Variants in ADGRV1 observed in about 807,000 individuals in gnomAD.
ADGRV1 encodes G-protein coupled receptor 98.
ADGRV1 carries 359 observed loss-of-function variants against 596.2 expected under a neutral mutation model. The observed-to-expected ratio is 0.60, with a 90% CI of 0.55 to 0.66. The LOEUF is 0.66. Among genes scored for constraint, ADGRV1 ranks in the 30% least tolerant of loss-of-function variants. The probability of loss-of-function intolerance (pLI) is 0.00; values close to 1 mark genes in which losing one functional copy is unlikely to be tolerated. For missense variants in ADGRV1, 7,274 were observed against 7,575.6 expected (o/e 0.96, Z 1.48); for synonymous variants, 2,681 against 2,679.2 (o/e 1.00, Z -0.02).
At position 90,725,607 on chromosome 5, in the gene ADGRV1, A is replaced by G; in HGVS notation, c.10112A>G (p.Gln3371Arg). The change falls in exon 48 of 90, where the codon CAA becomes CGA. Residue 3371 changes from glutamine to arginine, a missense_variant. Coordinates refer to ENST00000405460, the MANE Select transcript of ADGRV1 (RefSeq NM_032119.4). Reference protein sequence around the residue: ...SQVRYFTSDSQDYLIIASQRD... With the variant: ...SQVRYFTSDSRDYLIIASQRD... ...GTAAGATATTTTACTTCAGACAGCC[A>G]AGATTATTTAATCATTGCAAGTCAA... The G allele has an allele frequency of 6.3e-7, 1 of 1,591,420 alleles. No homozygotes were observed. The highest frequency in any genetic ancestry group is 8.6e-7 in the Non-Finnish European group (1 of 1,160,140).
chr5:91,135,039 G>C (rs570157688), intron 87 of ADGRV1, among the ~76,000 whole-genome samples: 1 of 151,978 alleles, frequency 6.6e-6, no homozygotes, highest in Non-Finnish European at 1.5e-5. Flanking sequence ...AAAATTAGCT[G>C]GGCATTTGGC....
chr5:91,077,867 A>G (rs939375154), intron 86 of ADGRV1, among the ~76,000 whole-genome samples: 1 of 152,242 alleles, frequency 6.6e-6, no homozygotes, highest in East Asian at 1.9e-4. Context: ...TTTTAGGCTC[A>G]TTAGAATTTA....
chr5:90,582,216 A>G (rs1404469503), intron 1 of ADGRV1, among the ~76,000 whole-genome samples: 1 of 151,914 alleles, frequency 6.6e-6, no homozygotes, highest in Non-Finnish European at 1.5e-5. Context: ...TAATTGCTCA[A>G]GTGTTAAGCT....
At chr5:90,779,409 C>G (rs1684562764) in intron 64 of ADGRV1, 3 of 172,808 alleles carry the variant, frequency 1.7e-5, no homozygotes, top group Non-Finnish European at 3.7e-5. Flanking sequence ...CCTAACAGCT[C>G]TCTAAATCAG....
At chr5:90,930,592 AT>A (rs1287306701) in intron 83 of ADGRV1, among the ~76,000 whole-genome samples, 1 of 152,082 alleles carries the variant, frequency 6.6e-6, no homozygotes, top group Non-Finnish European at 1.5e-5. Context: ...AGGACCAAAT[AT>A]TAGTGTTAGC....
chr5:91,120,695 A>G (rs1024696090), intron 87 of ADGRV1, among the ~76,000 whole-genome samples: 18 of 152,142 alleles, frequency 1.2e-4, no homozygotes, highest in African/African-American at 3.9e-4. Context: ...GAGTCTGGAC[A>G]TTCGGGGCCT....
At chr5:90,820,280 T>G (rs1763349541) in intron 75 of ADGRV1, among the ~76,000 whole-genome samples, 1 of 146,178 alleles carries the variant, frequency 6.8e-6, no homozygotes, top group Admixed American at 6.8e-5. Context: ...TAGATCTTCC[T>G]CCATCCTTTT....
At position 90,885,272 on chromosome 5, in the gene ADGRV1, T is replaced by C. The variant is rs957051940; in HGVS notation, c.17856+21415T>C. On this transcript the variant is annotated intron_variant, in intron 83 of 89. Transcript: ENST00000405460. Reference sequence around the variant, plus strand: ...ACAAGAAATCAGCTTTCTGAAGCAATTAATAATCTCTTGGCAGTCTTTCTA... The same window carrying C: ...ACAAGAAATCAGCTTTCTGAAGCAACTAATAATCTCTTGGCAGTCTTTCTA... Among the ~76,000 whole-genome samples, 8 of 152,298 alleles carry C rather than the reference T, an allele frequency of 5.3e-5. No homozygotes were observed. The South Asian group carries it at 1.2e-3, about 24-fold the overall frequency.
Position 90,629,409 on chromosome 5 carries a change from CA to C in ADGRV1, c.1713del (p.Glu572LysfsTer4). On this transcript the variant is annotated frameshift_variant, in exon 9 of 90. Transcript: ENST00000405460. LOFTEE classifies it high-confidence loss of function. ...GCTGGAGCTGTGGACCCCTTGCAAGCAAAAGAAGGCATCTTAAATATATCAA... is the reference window on the plus strand; with the variant it reads ...GCTGGAGCTGTGGACCCCTTGCAAGCAAAGAAGGCATCTTAAATATATCAA... ...IPAGAVDPLQ[A>X]KEGILNISRR... 6.2e-7 allele frequency: 1 copy of C among 1,613,432 alleles called. No individual in the cohort carries two copies. Among genetic ancestry groups the C allele is most frequent in the South Asian group, 1.1e-5 (1 of 91,074 alleles).
At chr5:90,645,905 G>T in intron 15 of ADGRV1, 63 bp from the exon 16 acceptor site, 2 of 1,287,364 alleles carry the variant, frequency 1.6e-6, no homozygotes, top group Non-Finnish European at 2.1e-6. Context: ...AATAATTTAA[G>T]AATATATGAT....
chr5:90,646,170 AT>A, intron 16 of ADGRV1, 79 bp downstream of exon 16: 17 of 929,660 alleles, frequency 1.8e-5, no homozygotes, highest in South Asian at 3.5e-5. Context: ...ACGTGCATAT[AT>A]ACATTTATAT....
At chr5:90,922,703 A>G (rs2150746022) in intron 83 of ADGRV1, among the ~76,000 whole-genome samples, 1 of 152,322 alleles carries the variant, frequency 6.6e-6, no homozygotes, top group African/African-American at 2.4e-5. Context: ...GACCAGTGGC[A>G]CCAGCCTCAC....
chr5:90,624,876 T>TC (rs1561405832), intron 5 of ADGRV1, among the ~76,000 whole-genome samples: 4 of 129,820 alleles, frequency 3.1e-5, no homozygotes, highest in South Asian at 2.7e-4. Flanking sequence ...AGTTTTTTTT[T>TC]TCCCCTCAGG....
At chr5:90,659,140 A>G (rs1034899643) in intron 21 of ADGRV1, among the ~76,000 whole-genome samples, 6 of 152,160 alleles carry the variant, frequency 3.9e-5, no homozygotes, top group African/African-American at 1.4e-4. Flanking sequence ...GGCAGTCTTA[A>G]GAGATCTTCA....
chr5:90,961,848 G>C (rs540514875), intron 83 of ADGRV1, among the ~76,000 whole-genome samples: 2 of 152,040 alleles, frequency 1.3e-5, no homozygotes, highest in Non-Finnish European at 2.9e-5. Context: ...CTCTTAAGTT[G>C]TGTATATGTT....
intron 43 of ADGRV1, 85 bp from the exon 44 acceptor site, chr5:90,719,963 G>A: frequency 9.9e-7 from 1 of 1,009,360 alleles, no homozygotes; most frequent in African/African-American, 1.6e-5. Context: ...CTATTTTGTT[G>A]TCAGAAATGT....
At chr5:90,991,327 G>A (rs527597565) in intron 85 of ADGRV1, among the ~76,000 whole-genome samples, 8 of 152,188 alleles carry the variant, frequency 5.3e-5, no homozygotes, top group Non-Finnish European at 1.0e-4. Context: ...ATTGAATAAT[G>A]ACTATATACA....
chr5:90,918,933 C>G (rs918376081), intron 83 of ADGRV1, among the ~76,000 whole-genome samples: 2 of 152,158 alleles, frequency 1.3e-5, no homozygotes, highest in Non-Finnish European at 2.9e-5. Flanking sequence ...GAGACCTAAT[C>G]AATCTGGCCA....
At chr5:91,137,236 C>A (rs2126824863) in intron 87 of ADGRV1, among the ~76,000 whole-genome samples, 1 of 152,152 alleles carries the variant, frequency 6.6e-6, no homozygotes, top group African/African-American at 2.4e-5. Context: ...CAAGCTTGAG[C>A]CACTGTACCC....
Sources: gnomAD v4.1 joint callset for allele counts (sites outside exome capture counted in the v4.1 genomes callset) on GRCh38, gnomAD v4.1.1 for gene constraint, MANE v1.5 for transcripts, NCBI Gene and HGNC (gene_info 2026-07-23, HGNC 2026-07-21) for gene names.